The following ATP8B4 variants were observed in gnomAD, a reference collection of about 807,000 sequenced individuals.
ATP8B4 encodes the protein probable phospholipid-transporting ATPase IM.
A neutral mutation model predicts 145.6 loss-of-function variants in ATP8B4; 133 were observed. The observed-to-expected ratio is 0.91, with a 90% confidence interval of 0.79 to 1.05. The LOEUF is 1.05. Ranked by LOEUF, ATP8B4 falls within the 50% of genes least tolerant of loss-of-function variation. The probability of loss-of-function intolerance (pLI) is 0.00; values close to 1 mark genes in which losing one functional copy is unlikely to be tolerated. For synonymous variants in ATP8B4, 507 were observed against 492.9 expected, an observed-to-expected ratio of 1.03 and a Z score of -0.38; for missense variants, 1,458 against 1,425.2, an observed-to-expected ratio of 1.02 and a Z score of -0.37.
intron 21 of ATP8B4, among the ~76,000 whole-genome samples, chr15:49,898,494 G>C (rs2037665632): frequency 6.6e-6 from 1 of 152,070 alleles, no homozygotes; most frequent in Admixed American, 6.6e-5. Context: ...AAACAAAACT[G>C]CCATTTATAT....
chr15:49,925,516 C>T (rs533973562), intron 16 of ATP8B4, among the ~76,000 whole-genome samples: 2 of 152,184 alleles, frequency 1.3e-5, no homozygotes, highest in South Asian at 4.2e-4. Context: ...CCTAAGGTTC[C>T]CTGGACCACA....
chr15:49,890,400 G>C (rs1455122835), intron 23 of ATP8B4, among the ~76,000 whole-genome samples: 1 of 152,200 alleles, frequency 6.6e-6, no homozygotes, highest in African/African-American at 2.4e-5. Flanking sequence ...TTTCAATCCT[G>C]TTAAAGCAGT....
chr15:49,965,448 A>G (rs183644782), intron 13 of ATP8B4, among the ~76,000 whole-genome samples: 308 of 152,352 alleles, frequency 2.0e-3, no homozygotes, highest in Non-Finnish European at 3.6e-3. Flanking sequence ...GGGAGACCAG[A>G]GGAATCCACA....
intron 1 of ATP8B4, among the ~76,000 whole-genome samples, chr15:50,174,270 C>T (rs1458068880): frequency 6.6e-6 from 1 of 152,170 alleles, no homozygotes; most frequent in Non-Finnish European, 1.5e-5. Flanking sequence ...TCCTCTTCAG[C>T]ATAGTACTGG....
Position 49,975,864 on chromosome 15 carries a change from CTT to C in ATP8B4, c.1035-3076_1035-3075del, listed in dbSNP as rs1407659517. Among the ~76,000 whole-genome samples, 7 of 152,110 alleles carry C rather than the reference CTT, an allele frequency of 4.6e-5. No homozygotes were observed. The South Asian group carries it at 1.0e-3, about 23-fold the overall frequency. On this transcript the variant is annotated intron_variant, in intron 12 of 27. Transcript: ENST00000284509. ...ATTCATGGATATTTCAGTTTCACGT[CTT>C]TGTAATTTACAAGGATATCCAGAAC... is the stretch of plus-strand genomic sequence containing the variant.
Position 49,972,673 on chromosome 15 carries a change from C to T in ATP8B4, c.1152G>A (p.Gly384=), listed in dbSNP as rs764158339. ...ARTTTLNEEL[G]QIEYIFSDKT... is the part of the protein sequence containing the mutation. ...TGTCGGAGAAAATGTACTCAATCTGCCCCAGTTCCTCATTGAGCGTGGTCG... is the reference window on the plus strand; with the variant it reads ...TGTCGGAGAAAATGTACTCAATCTGTCCCAGTTCCTCATTGAGCGTGGTCG... The change falls in exon 13 of 28, where the codon GGG becomes GGA. Residue 384 remains glycine, a synonymous_variant. Coordinates refer to ENST00000284509, the MANE Select transcript of ATP8B4 (RefSeq NM_024837.4). The T allele has an allele frequency of 2.0e-5, 32 of 1,613,842 alleles. No homozygotes were observed. The highest frequency in any genetic ancestry group is 3.3e-5 in the Admixed American group (2 of 59,966).
intron 1 of ATP8B4, chr15:50,114,560 C>T (rs2057106271): frequency 6.6e-6 from 1 of 152,430 alleles, no homozygotes; most frequent in Admixed American, 6.5e-5. Flanking sequence ...GGCCATCTTC[C>T]TTCCTCTTCT....
At position 49,931,226 on chromosome 15, in the gene ATP8B4, G is replaced by A. The variant is rs867660365; in HGVS notation, c.1535C>T (p.Ser512Phe). 3.7e-6 allele frequency: 6 copies of A among 1,612,638 alleles called. No individual in the cohort carries two copies. The African/African-American group carries it at 8.0e-5, about 22-fold the overall frequency. Residue 512 changes from serine to phenylalanine, a missense_variant, in exon 16 of 28, where the codon TCC becomes TTC. Ser to Phe is a radical substitution (Grantham distance 155). Coordinates refer to ENST00000284509, the MANE Select transcript of ATP8B4 (RefSeq NM_024837.4). ...AARNFGFIFK[S>F]RTPETITIEE... ...TATTGTTATGGTCTCTGGGGTCCGG[G>A]ATTTAAAAATGAACCCAAAATTTCT...
At position 49,898,237 on chromosome 15, in the gene ATP8B4, T is replaced by C. The variant is rs753636885; in HGVS notation, c.2304A>G (p.Glu768=). ...CTAGGAGATCATTCTTGACATCACT[T>C]TCTAGGGCATGAGCCTGTATGATTA... ...INGHSLAHAL[E]SDVKNDLLEL... is the part of the protein sequence containing the mutation. The change falls in exon 22 of 28, where the codon GAA becomes GAG. Residue 768 remains glutamate (E), a synonymous_variant. Transcript: ENST00000284509. 1.2e-6 allele frequency: 2 copies of C among 1,613,362 alleles called. No homozygotes were observed. The highest frequency in any genetic ancestry group is 4.5e-5 in the East Asian group (2 of 44,860).
intron 9 of ATP8B4, among the ~76,000 whole-genome samples, chr15:49,991,006 C>T (rs2047003140): frequency 6.6e-6 from 1 of 152,120 alleles, no homozygotes; most frequent in African/African-American, 2.4e-5. Flanking sequence ...AAGGCTCACC[C>T]ATCCATCATT....
chr15:50,126,698 T>C (rs2057309854), intron 1 of ATP8B4, among the ~76,000 whole-genome samples: 1 of 152,210 alleles, frequency 6.6e-6, no homozygotes, highest in African/African-American at 2.4e-5. Context: ...ACGCAAGATT[T>C]TCCTTTATTT....
At chr15:50,134,760 G>A (rs769395440) in intron 1 of ATP8B4, among the ~76,000 whole-genome samples, 32 of 152,096 alleles carry the variant, frequency 2.1e-4, no homozygotes, top group Admixed American at 8.5e-4. Flanking sequence ...GGAAGGAAGA[G>A]GTAAAATGTC....
chr15:49,885,870 C>A (rs1268709555), intron 23 of ATP8B4: 1 of 152,334 alleles, frequency 6.6e-6, no homozygotes, highest in Non-Finnish European at 1.5e-5. Context: ...CTCCTGTTGT[C>A]TCCTCTGCTG....
At chr15:50,173,637 C>T (rs2044721351) in intron 1 of ATP8B4, among the ~76,000 whole-genome samples, 1 of 152,002 alleles carries the variant, frequency 6.6e-6, no homozygotes, top group African/African-American at 2.4e-5. Context: ...ACCTTCCCTC[C>T]ACTATTGTCC....
At chr15:49,899,478 T>C (rs1204511405) in intron 21 of ATP8B4, among the ~76,000 whole-genome samples, 2 of 152,158 alleles carry the variant, frequency 1.3e-5, no homozygotes, top group African/African-American at 4.8e-5. Context: ...AATGGCTGGA[T>C]GGGTAAATGA....
chr15:50,019,350 C>A (rs2049345918), intron 6 of ATP8B4, among the ~76,000 whole-genome samples: 2 of 152,260 alleles, frequency 1.3e-5, no homozygotes, highest in Admixed American at 6.5e-5. Flanking sequence ...TATGACCTAC[C>A]AAAACCGGCT....
intron 1 of ATP8B4, among the ~76,000 whole-genome samples, chr15:50,173,988 C>T (rs1359847695): frequency 6.6e-6 from 1 of 152,128 alleles, no homozygotes; most frequent in Non-Finnish European, 1.5e-5. Flanking sequence ...GATGGTTTCA[C>T]GTACTCAAGC....
intron 7 of ATP8B4, 27 bp from the exon 8 acceptor site, chr15:50,002,250 A>G: frequency 1.9e-6 from 3 of 1,565,672 alleles, no homozygotes; most frequent in Non-Finnish European, 2.6e-6. Flanking sequence ...TAACAAAAGA[A>G]TACTTGAGAA....
At chr15:49,979,474 C>T in intron 12 of ATP8B4, 143 bp downstream of exon 12, 1 of 580,776 alleles carries the variant, frequency 1.7e-6, no homozygotes, top group Non-Finnish European at 2.7e-6. Flanking sequence ...AACAGCTAAG[C>T]TGTCCCATTT....
Sources: gnomAD v4.1 joint callset for allele counts (sites outside exome capture counted in the v4.1 genomes callset) on GRCh38, gnomAD v4.1.1 for gene constraint, MANE v1.5 for transcripts, NCBI Gene and HGNC (gene_info 2026-07-23, HGNC 2026-07-21) for gene names.